Variants in NUDT6 observed in about 807,000 individuals in gnomAD.
NUDT6 encodes FAD diphosphatase NUDT6.
Under a neutral mutation model 36.8 loss-of-function variants are expected in NUDT6, and 24 were observed. The observed-to-expected ratio is 0.65, with a 90% CI of 0.47 to 0.92. The LOEUF (loss-of-function observed/expected upper bound fraction) is 0.92, where lower values mean the gene tolerates loss of function less well. NUDT6 is among the 40% of genes least tolerant of loss of function. NUDT6 has a pLI of 0.00. For missense variants in NUDT6, 388 were observed against 392.8 expected, an observed-to-expected ratio of 0.99 and a Z score of 0.10; for synonymous variants, 163 against 157.0, an observed-to-expected ratio of 1.04 and a Z score of -0.29.
At chr4:122,918,190 G>A (rs1420958241) in intron 1 of NUDT6, 1 of 152,730 alleles carries the variant, frequency 6.5e-6, no homozygotes, top group East Asian at 1.9e-4. Flanking sequence ...TATGCTGGTT[G>A]TAGAAATTTT....
chr4:122,922,338 G>T lies in NUDT6; in HGVS notation c.235C>A (p.Gln79Lys), dbSNP rs1170378870. 6.3e-7 allele frequency: 1 copy of T among 1,598,846 alleles called. No homozygotes were observed. The highest frequency in any genetic ancestry group is 1.3e-5 in the African/African-American group (1 of 74,856). The change falls in exon 1 of 5, where the codon CAG becomes AAG. Residue 79 changes from glutamine (Q) to lysine (K), a missense_variant. Coordinates refer to ENST00000304430, the MANE Select transcript of NUDT6 (RefSeq NM_007083.5). ...LDAAAFQKGL[Q>K]AAVQQWRSEG... ...CCTTCGTCCCAGGCGCACTTGCCCT[G>T]CAAGCCCTTCTGGAAGGCGGCAGCG... is the stretch of plus-strand genomic sequence containing the variant.
intron 1 of NUDT6, chr4:122,919,763 C>T (rs1269611418): frequency 6.6e-6 from 1 of 152,182 alleles, no homozygotes; most frequent in Non-Finnish European, 1.5e-5. Flanking sequence ...AATTTAAAGA[C>T]TACTATGTCT....
In NUDT6 at chr4:122,917,635, C is replaced by T. The variant is rs781489469; in HGVS notation, c.308G>A (p.Arg103Gln). ...CAGGGAAGCAGCAGGGGCAATAAAT[C>T]GGCTTTGGAGGATGGGAATGTGCAG... ...VWLHIPILQS[R>Q]FIAPAASLGF... The change falls in exon 2 of 5, where the codon CGA becomes CAA. Residue 103 changes from arginine (R) to glutamine (Q), a missense_variant. Transcript: ENST00000304430. The T allele has an allele frequency of 1.2e-6, 2 of 1,614,180 alleles. No homozygotes were observed. Among genetic ancestry groups the T allele is most frequent in the South Asian group, 1.1e-5 (1 of 91,070 alleles).
intron 3 of NUDT6, among the ~76,000 whole-genome samples, chr4:122,909,451 T>C (rs1368603932): frequency 6.6e-6 from 1 of 152,242 alleles, no homozygotes; most frequent in African/African-American, 2.4e-5. Context: ...TTTGATTATC[T>C]GGTTTTATTT....
In NUDT6 at chr4:122,892,721, A is replaced by G; in HGVS notation, c.*107T>C. 1.5e-6 allele frequency: 2 copies of G among 1,343,282 alleles called. No homozygotes were observed. The highest frequency in any genetic ancestry group is 1.6e-5 in the South Asian group (1 of 63,600). 83.2% of individuals were successfully genotyped at this position (1,343,282 alleles called of 1,614,324 possible). On this transcript the variant is annotated 3_prime_UTR_variant, in exon 5 of 5. Transcript: ENST00000304430. The stretch of plus-strand genomic sequence containing the variant: ...TTAGAAACAAAATTTCTTCATGGAA[A>G]TCATATACATTAGAAAATCACAGTC...
chr4:122,908,068 C>T (rs781386873), intron 3 of NUDT6, among the ~76,000 whole-genome samples: 2 of 152,034 alleles, frequency 1.3e-5, no homozygotes, highest in Non-Finnish European at 2.9e-5. Context: ...TCCTAAACCC[C>T]TCCCAACTGA....
intron 4 of NUDT6, 68 bp downstream of exon 4, chr4:122,897,556 A>G (rs189884686): frequency 6.2e-6 from 7 of 1,134,300 alleles, no homozygotes; most frequent in Admixed American, 5.3e-5. Context: ...TTAGCTATAA[A>G]GCAAGAAAGT....
At chr4:122,893,297 G>T (rs1041426515) in intron 4 of NUDT6, 72 bp from the exon 5 acceptor site, 1 of 1,418,330 alleles carries the variant, frequency 7.1e-7, no homozygotes, top group African/African-American at 1.4e-5. Flanking sequence ...AAGATTTTCA[G>T]TTAAAGTAGC....
In NUDT6 at chr4:122,893,024, T is replaced by C. The variant is rs761529651; in HGVS notation, c.755A>G (p.Asn252Ser). The change falls in exon 5 of 5, where the codon AAT (asparagine) becomes AGT (serine). Residue 252 changes from asparagine (N) to serine (S), a missense_variant. Asn to Ser is a conservative substitution (Grantham distance 46). Coordinates refer to ENST00000304430, the MANE Select transcript of NUDT6 (RefSeq NM_007083.5). Reference sequence around the variant, plus strand: ...TGTATTTTCAGTCTTCGCCAGGTCATTGAGATCCATCCACTCACATCTTAA... The same window carrying C: ...TGTATTTTCAGTCTTCGCCAGGTCACTGAGATCCATCCACTCACATCTTAA... ...ECLRCEWMDL[N>S]DLAKTENTTP... 6.8e-6 allele frequency: 11 copies of C among 1,614,174 alleles called. No homozygotes were observed. The highest frequency in any genetic ancestry group is 9.3e-6 in the Non-Finnish European group (11 of 1,180,022).
At position 122,917,570 on chromosome 4, in the gene NUDT6, A is replaced by G. The variant is rs769704321; in HGVS notation, c.373T>C (p.Leu125=). ...GGCCCTTCTCTCAGCCACAGAGTCA[A>G]CGTTGATGAATCCGATTCTGCGTGG... The part of the protein sequence containing the change: ...FHHAESDSST[L]TLWLREGPSR... The change falls in exon 2 of 5, where the codon TTG becomes CTG. Residue 125 remains leucine (L), a synonymous_variant. Transcript: ENST00000304430. 9 of 1,614,190 alleles carry G rather than the reference A, an allele frequency of 5.6e-6. 1 individual carries two copies. In the Middle Eastern group the frequency reaches 1.5e-3, roughly 266 times the overall value.
At chr4:122,907,195 A>G (rs1727633382) in intron 3 of NUDT6, among the ~76,000 whole-genome samples, 1 of 152,088 alleles carries the variant, frequency 6.6e-6, no homozygotes. Flanking sequence ...CAGTGGCATG[A>G]TCTCAGGTTT....
At position 122,900,247 on chromosome 4, in the gene NUDT6, A is replaced by G. The variant is rs56269654; in HGVS notation, c.499-2569T>C. Among the ~76,000 whole-genome samples the G allele has an allele frequency of 9.4e-3, 1,421 of 151,688 alleles. 5 individuals carry two copies. The highest frequency in any genetic ancestry group is 0.013 in the Non-Finnish European group (881 of 68,012). ...CTTTTGTAAACCTTCCAGCCTTCCAAGAAGGTTTGCATCTTTCTACAATTT... is the reference window on the plus strand; with the variant it reads ...CTTTTGTAAACCTTCCAGCCTTCCAGGAAGGTTTGCATCTTTCTACAATTT... On this transcript the variant is annotated intron_variant, in intron 3 of 4. Transcript: ENST00000304430.
intron 1 of NUDT6, 81 bp downstream of exon 1, chr4:122,922,254 G>T: frequency 8.1e-7 from 1 of 1,228,934 alleles, no homozygotes; most frequent in Non-Finnish European, 1.1e-6. Flanking sequence ...GGTGCACAGA[G>T]CGACTAGGGA....
chr4:122,894,115 T>C (rs1727276432), intron 4 of NUDT6: 1 of 152,248 alleles, frequency 6.6e-6, no homozygotes, highest in Non-Finnish European at 1.5e-5. Context: ...TAGACTGTCT[T>C]ACCCATCCCC....
At chr4:122,902,723 GT>G (rs1053692557) in intron 3 of NUDT6, among the ~76,000 whole-genome samples, 7 of 152,174 alleles carry the variant, frequency 4.6e-5, no homozygotes, top group Non-Finnish European at 1.0e-4. Context: ...CAGTTTATGG[GT>G]TTAAGTCACT....
At chr4:122,899,136 C>T (rs891386000) in intron 3 of NUDT6, among the ~76,000 whole-genome samples, 10 of 149,550 alleles carry the variant, frequency 6.7e-5, no homozygotes, top group Non-Finnish European at 1.2e-4. Context: ...ACCTGGGCTT[C>T]CCAAAGTGCT....
chr4:122,894,498 G>T (rs962745161), intron 4 of NUDT6: 1 of 152,174 alleles, frequency 6.6e-6, no homozygotes, highest in African/African-American at 2.4e-5. Flanking sequence ...TGGGAGGGTT[G>T]ATCACTTGAG....
intron 1 of NUDT6, chr4:122,918,508 A>G (rs1404567747): frequency 1.3e-5 from 2 of 152,236 alleles, no homozygotes; most frequent in African/African-American, 4.8e-5. Flanking sequence ...AGTTTTTAGA[A>G]AAGCTTTTCA....
intron 2 of NUDT6, chr4:122,913,119 C>A (rs931787167): frequency 6.5e-6 from 1 of 154,782 alleles, no homozygotes; most frequent in East Asian, 1.9e-4. Context: ...TCCATGAAGA[C>A]ACTAAGTGCC....
Sources: gnomAD v4.1 joint callset for allele counts (sites outside exome capture counted in the v4.1 genomes callset) on GRCh38, gnomAD v4.1.1 for gene constraint, MANE v1.5 for transcripts, NCBI Gene and HGNC (gene_info 2026-07-23, HGNC 2026-07-21) for gene names.